ARAP2: variants seen among roughly 807,000 people sequenced by gnomAD.
ARAP2 encodes ArfGAP with RhoGAP domain, ankyrin repeat and PH domain 2, also known as arf-GAP with Rho-GAP domain, ANK repeat and PH domain-containing protein 2.
Under a neutral mutation model 194.5 loss-of-function variants are expected in ARAP2, and 148 were observed. That is an observed-to-expected ratio of 0.76 (90% CI 0.67 to 0.87). The LOEUF (loss-of-function observed/expected upper bound fraction) is 0.87, where lower values mean the gene tolerates loss of function less well. Ranked by LOEUF, ARAP2 falls within the 40% of genes least tolerant of loss-of-function variation. ARAP2 has a pLI of 0.00. For missense variants in ARAP2, 2,128 were observed against 1,989.7 expected (o/e 1.07, Z -1.32); for synonymous variants, 695 against 683.5 (o/e 1.02, Z -0.26).
chr4:36,225,012 T>C (rs904298344), intron 2 of ARAP2, among the ~76,000 whole-genome samples: 8 of 152,168 alleles, frequency 5.3e-5, no homozygotes, highest in Non-Finnish European at 1.2e-4. Context: ...TCTATGTGAA[T>C]ACAGAGGAAA....
At chr4:36,107,021 T>C (rs1304960839) in intron 27 of ARAP2, among the ~76,000 whole-genome samples, 2 of 151,976 alleles carry the variant, frequency 1.3e-5, no homozygotes, top group Admixed American at 1.3e-4. Context: ...AATGGTCTTA[T>C]ATAGTTCACT....
intron 5 of ARAP2, among the ~76,000 whole-genome samples, chr4:36,034,228 T>A (rs1345249720): frequency 1.3e-5 from 2 of 152,142 alleles, no homozygotes; most frequent in Non-Finnish European, 2.9e-5. Context: ...ATAAATTTCT[T>A]TGGACAGTAT....
At chr4:36,091,454 AATTC>A (rs1419216827) in intron 28 of ARAP2, among the ~76,000 whole-genome samples, 3 of 152,174 alleles carry the variant, frequency 2.0e-5, no homozygotes, top group African/African-American at 7.2e-5. Flanking sequence ...AAAATAAGTC[AATTC>A]ATTCAACCAT....
chr4:36,111,248 C>A (rs1719916817), intron 26 of ARAP2, among the ~76,000 whole-genome samples: 1 of 151,902 alleles, frequency 6.6e-6, no homozygotes, highest in Non-Finnish European at 1.5e-5. Flanking sequence ...CTACAACCTT[C>A]TTACTACCTA....
At chr4:36,214,331 C>T (rs778915360) in intron 3 of ARAP2, 91 bp downstream of exon 3, 3 of 989,160 alleles carry the variant, frequency 3.0e-6, no homozygotes, top group Non-Finnish European at 4.5e-6. Flanking sequence ...CCCTATACCA[C>T]AGGTGGGCTG....
At chr4:36,057,497 T>G (rs747886147) in intron 2 of ARAP2, among the ~76,000 whole-genome samples, 3 of 152,116 alleles carry the variant, frequency 2.0e-5, no homozygotes, top group Non-Finnish European at 4.4e-5. Flanking sequence ...TATATATATG[T>G]TTGACATTTT....
chr4:36,204,614 T>C (rs1321473345), intron 6 of ARAP2, among the ~76,000 whole-genome samples: 2 of 152,090 alleles, frequency 1.3e-5, no homozygotes, highest in Non-Finnish European at 2.9e-5. Context: ...GATGATGAAA[T>C]TGATAGGTAT....
chr4:36,104,014 A>C (rs1200465905), intron 27 of ARAP2, among the ~76,000 whole-genome samples: 1 of 151,972 alleles, frequency 6.6e-6, no homozygotes, highest in Non-Finnish European at 1.5e-5. Flanking sequence ...AATGAAATGC[A>C]AGCCATAGAT....
In ARAP2 at chr4:36,066,273, G is replaced by T. The variant is rs1725438208; in HGVS notation, c.*1634C>A. 6.6e-6 allele frequency: 1 copy of T among 152,024 alleles called. No individual in the cohort carries two copies. Among genetic ancestry groups the T allele is most frequent in the Non-Finnish European group, 1.5e-5 (1 of 67,994 alleles). 9.4% of individuals were successfully genotyped at this position (152,024 alleles called of 1,614,324 possible). On this transcript the variant is annotated 3_prime_UTR_variant, in exon 33 of 33. Transcript: ENST00000303965. ...TATTTATTAGAAATAGTATGTTTAA[G>T]ATTAGTTTTTCTTTCTAAATAACAT...
chr4:36,241,941 G>A (rs1288391988), intron 1 of ARAP2, among the ~76,000 whole-genome samples: 1 of 152,158 alleles, frequency 6.6e-6, no homozygotes, highest in Admixed American at 6.5e-5. Flanking sequence ...AAGTAAGCTT[G>A]TGCTGAACAG....
intron 5 of ARAP2, among the ~76,000 whole-genome samples, chr4:36,044,820 A>G (rs1215337932): frequency 6.6e-6 from 1 of 152,164 alleles, no homozygotes; most frequent in Non-Finnish European, 1.5e-5. Context: ...ATAAATTCAA[A>G]ATATTTAACA....
intron 32 of ARAP2, among the ~76,000 whole-genome samples, chr4:36,071,663 ATACT>A (rs1326320751): frequency 3.3e-5 from 5 of 149,254 alleles, no homozygotes; most frequent in African/African-American, 4.9e-5. Flanking sequence ...TTAATATATA[ATACT>A]TAATTTTTTT....
intron 2 of ARAP2, among the ~76,000 whole-genome samples, chr4:36,216,027 C>A (rs182112695): frequency 6.6e-6 from 1 of 150,510 alleles, no homozygotes; most frequent in East Asian, 2.0e-4. Flanking sequence ...GGGCAGATTT[C>A]TTGAGCTCAG....
chr4:36,244,036 G>T (rs941365443), intron 1 of ARAP2, 143 bp downstream of exon 1: 2 of 152,260 alleles, frequency 1.3e-5, no homozygotes, highest in African/African-American at 4.8e-5. Flanking sequence ...CGAAATCCAA[G>T]GGGCGGACAC....
At chr4:36,222,246 T>C (rs759961672) in intron 2 of ARAP2, among the ~76,000 whole-genome samples, 6 of 152,056 alleles carry the variant, frequency 3.9e-5, no homozygotes, top group Non-Finnish European at 8.8e-5. Flanking sequence ...GATGATGCTT[T>C]TACAGAACAT....
chr4:36,212,215 T>A (rs1746912621), intron 5 of ARAP2, among the ~76,000 whole-genome samples, 181 bp downstream of exon 5: 1 of 152,056 alleles, frequency 6.6e-6, no homozygotes, highest in African/African-American at 2.4e-5. Flanking sequence ...TTACTTGATC[T>A]ACAGAGCATA....
chr4:36,223,390 G>C (rs1321548440), intron 2 of ARAP2, among the ~76,000 whole-genome samples: 3 of 151,994 alleles, frequency 2.0e-5, no homozygotes, highest in African/African-American at 7.2e-5. Context: ...TCAGTAAATA[G>C]AGGAAATCTG....
chr4:36,220,479 C>T (rs1445008050), intron 2 of ARAP2, among the ~76,000 whole-genome samples: 1 of 152,042 alleles, frequency 6.6e-6, no homozygotes, highest in Non-Finnish European at 1.5e-5. Flanking sequence ...GTACATAATA[C>T]TTGATAATAA....
chr4:36,106,151 C>A (rs530579486), intron 27 of ARAP2, among the ~76,000 whole-genome samples: 3 of 140,658 alleles, frequency 2.1e-5, no homozygotes, highest in Admixed American at 7.0e-5. Context: ...GTCTTGTGGG[C>A]GGGGAGGGGA....
Sources: allele counts gnomAD v4.1 joint callset (sites outside exome capture counted in the v4.1 genomes callset), GRCh38; gene constraint gnomAD v4.1.1; transcripts MANE v1.5; gene names NCBI Gene and HGNC (gene_info 2026-07-23, HGNC 2026-07-21).